The following BRWD1 variants were observed in gnomAD, a reference collection of about 807,000 sequenced individuals.
BRWD1 encodes the protein bromodomain and WD repeat domain containing 1, also known as bromodomain and WD repeat-containing protein 1.
A neutral mutation model predicts 251.2 loss-of-function variants in BRWD1; 82 were observed. That is an observed-to-expected ratio of 0.33 (90% confidence interval 0.27 to 0.39). BRWD1 has a LOEUF of 0.39. BRWD1 is among the 10% of genes least tolerant of loss of function. The probability of loss-of-function intolerance (pLI) is 1.00; values close to 1 mark genes in which losing one functional copy is unlikely to be tolerated. For synonymous variants in BRWD1, 918 were observed against 902.8 expected (o/e 1.02, Z -0.30); for missense variants, 2,233 against 2,711.6 (o/e 0.82, Z 3.92).
intron 38 of BRWD1, 91 bp from the exon 39 acceptor site, chr21:39,200,477 T>A: frequency 9.6e-7 from 1 of 1,041,576 alleles, no homozygotes; most frequent in Non-Finnish European, 1.3e-6. Context: ...GAACATTACA[T>A]AACATTACTA....
intron 25 of BRWD1, among the ~76,000 whole-genome samples, chr21:39,229,649 C>T (rs1415680188): frequency 6.6e-6 from 1 of 152,134 alleles, no homozygotes; most frequent in Non-Finnish European, 1.5e-5. Flanking sequence ...TTAGAAAATA[C>T]ATTACAAAAG....
chr21:39,197,418 AAAAGTT>A lies in BRWD1; in HGVS notation c.5654-9_5654-4del. 1 of 1,551,726 alleles carries A rather than the reference AAAAGTT, an allele frequency of 6.4e-7. No individual in the cohort carries two copies. The highest frequency in any genetic ancestry group is 8.7e-7 in the Non-Finnish European group (1 of 1,151,262). On this transcript the variant is annotated splice_polypyrimidine_tract_variant and splice_region_variant and intron_variant, in intron 40 of 40. Coordinates refer to ENST00000342449, the MANE Select transcript of BRWD1 (RefSeq NM_033656.4). Reference sequence around the variant, plus strand: ...TCCATTGTCTTGTGATGCAGAATCTAAAAGTTAAAGAGCAGATTTCTATTAATCTTT... The same window carrying A: ...TCCATTGTCTTGTGATGCAGAATCTAAAAGAGCAGATTTCTATTAATCTTT...
In BRWD1 at chr21:39,232,509, G is replaced by C; in HGVS notation, c.2767-11C>G. ...CATCCTCCGCAAATTCTACCAAGGGGAAGAGAACAAAGTTTCTTAGATTAG... is the reference window on the plus strand; with the variant it reads ...CATCCTCCGCAAATTCTACCAAGGGCAAGAGAACAAAGTTTCTTAGATTAG... On this transcript the variant is annotated splice_polypyrimidine_tract_variant and intron_variant, in intron 23 of 40. Coordinates refer to ENST00000342449, the MANE Select transcript of BRWD1 (RefSeq NM_033656.4). 6.3e-7 allele frequency: 1 copy of C among 1,581,840 alleles called. No individual in the cohort carries two copies. Among genetic ancestry groups the C allele is most frequent in the East Asian group, 2.2e-5 (1 of 44,568 alleles).
intron 21 of BRWD1, among the ~76,000 whole-genome samples, chr21:39,246,125 G>C (rs1435241162): frequency 6.6e-6 from 1 of 152,042 alleles, no homozygotes; most frequent in Non-Finnish European, 1.5e-5. Context: ...ACAACCCACA[G>C]AATGGGAGAA....
At chr21:39,280,565 A>C (rs1237026003) in intron 8 of BRWD1, among the ~76,000 whole-genome samples, 3 of 152,206 alleles carry the variant, frequency 2.0e-5, no homozygotes. Flanking sequence ...AACAGGGTAC[A>C]CTGATAGAAT....
intron 12 of BRWD1, among the ~76,000 whole-genome samples, chr21:39,275,909 G>A (rs964654158): frequency 6.6e-6 from 1 of 152,104 alleles, no homozygotes; most frequent in Admixed American, 6.6e-5. Context: ...GCAGGCGCCT[G>A]TAATCCCAGC....
At chr21:39,273,838 G>C (rs2035196047) in intron 13 of BRWD1, among the ~76,000 whole-genome samples, 1 of 152,162 alleles carries the variant, frequency 6.6e-6, no homozygotes, top group African/African-American at 2.4e-5. Context: ...ATATGAAAAA[G>C]TGCAAAGTTA....
rs112335234 is a variant in BRWD1, at chr21:39,309,288, G to GAA, written c.198+3551_198+3552dup. 8.7e-4 allele frequency among the ~76,000 whole-genome samples: 128 copies of GAA among 147,196 alleles called. 2 individuals are homozygous for GAA. The highest frequency in any genetic ancestry group is 3.5e-3 in the Middle Eastern group (1 of 284). ...ACATAGCGAGTCTTTTTCTCTAGGG[G>GAA]AAAAAAAAAAAACTTAGCCAGGTGT... On this transcript the variant is annotated intron_variant, in intron 4 of 40. Transcript: ENST00000342449.
chr21:39,262,882 GTTAC>G (rs2034800704), intron 17 of BRWD1, among the ~76,000 whole-genome samples: 1 of 152,054 alleles, frequency 6.6e-6, no homozygotes, highest in Non-Finnish European at 1.5e-5. Context: ...TGTGGTGGTA[GTTAC>G]TTATTATTTA....
intron 8 of BRWD1, among the ~76,000 whole-genome samples, chr21:39,284,088 G>A (rs1023342242): frequency 1.3e-5 from 2 of 152,050 alleles, no homozygotes; most frequent in African/African-American, 4.8e-5. Context: ...CTTGTTCAGT[G>A]GTAAAATAAG....
In BRWD1 at chr21:39,200,368, G is replaced by C. The variant is rs148184065; in HGVS notation, c.4604C>G (p.Ser1535Cys). The C allele has an allele frequency of 2.3e-4, 367 of 1,611,752 alleles. No individual in the cohort carries two copies. Among genetic ancestry groups the C allele is most frequent in the Non-Finnish European group, 3.1e-4 (360 of 1,179,448 alleles). Reference sequence around the variant, plus strand: ...TGACGATGACAAAGAGGTAGCTAAAGAATCTTCCACTTCACTTTCTAGGAA... The same window carrying C: ...TGACGATGACAAAGAGGTAGCTAAACAATCTTCCACTTCACTTTCTAGGAA... ...STLSESEVED[S>C]LATSLSSSAS... Residue 1535 changes from serine (S) to cysteine (C), a missense_variant, in exon 39 of 41, where the codon TCT becomes TGT. Ser to Cys is a moderately radical substitution (Grantham distance 112). Transcript: ENST00000342449.
intron 33 of BRWD1, 84 bp from the exon 34 acceptor site, chr21:39,212,791 A>T: frequency 1.0e-6 from 1 of 989,246 alleles, no homozygotes; most frequent in Non-Finnish European, 1.5e-6. Flanking sequence ...CATATCAAAG[A>T]CATTTGGTAT....
chr21:39,289,145 T>C (rs1394123080), intron 8 of BRWD1, among the ~76,000 whole-genome samples: 1 of 152,212 alleles, frequency 6.6e-6, no homozygotes, highest in Admixed American at 6.5e-5. Context: ...ATCATCTTAG[T>C]ACTGTTTTTT....
intron 8 of BRWD1, among the ~76,000 whole-genome samples, chr21:39,289,958 G>A (rs1358365239): frequency 1.3e-5 from 2 of 150,114 alleles, no homozygotes; most frequent in Non-Finnish European, 3.0e-5. Context: ...CCGGGAGCCA[G>A]AGCTTGCAGT....
At chr21:39,272,890 G>A (rs1190348559) in intron 13 of BRWD1, among the ~76,000 whole-genome samples, 2 of 152,080 alleles carry the variant, frequency 1.3e-5, no homozygotes, top group Non-Finnish European at 2.9e-5. Flanking sequence ...GGGAATACAG[G>A]CATGAGCCAC....
chr21:39,238,884 T>G (rs945443140), intron 21 of BRWD1, among the ~76,000 whole-genome samples: 11 of 152,132 alleles, frequency 7.2e-5, no homozygotes, highest in African/African-American at 2.7e-4. Context: ...CATTTTGGAC[T>G]TTAGCTATTC....
intron 4 of BRWD1, chr21:39,312,478 C>A (rs1252087700): frequency 5.3e-6 from 1 of 190,418 alleles, no homozygotes; most frequent in South Asian, 9.1e-5. Context: ...CCAATCAGAG[C>A]GCGAGTTACA....
At chr21:39,306,516 G>A (rs1282543551) in intron 4 of BRWD1, among the ~76,000 whole-genome samples, 3 of 152,160 alleles carry the variant, frequency 2.0e-5, no homozygotes, top group Admixed American at 6.6e-5. Context: ...GACTAGGTTT[G>A]TAGAGGGGTT....
chr21:39,252,013 TC>T (rs1193526666), intron 19 of BRWD1, among the ~76,000 whole-genome samples: 1 of 152,050 alleles, frequency 6.6e-6, no homozygotes, highest in Non-Finnish European at 1.5e-5. Context: ...ACACCTGTAA[TC>T]CCAGCACTTT....
Sources: gnomAD v4.1 joint callset for allele counts (sites outside exome capture counted in the v4.1 genomes callset) on GRCh38, gnomAD v4.1.1 for gene constraint, MANE v1.5 for transcripts, NCBI Gene and HGNC (gene_info 2026-07-23, HGNC 2026-07-21) for gene names.